The following WASHC5 variants were observed in gnomAD, a reference collection of about 807,000 sequenced individuals.
The protein encoded by WASHC5 is WASH complex subunit 5.
In WASHC5, 101 loss-of-function variants were observed where a neutral mutation model predicts 150.4. That is an observed-to-expected ratio of 0.67 (90% CI 0.57 to 0.79). The LOEUF (loss-of-function observed/expected upper bound fraction) is 0.79, where lower values mean the gene tolerates loss of function less well. WASHC5 is among the 30% of genes least tolerant of loss of function. The pLI, the probability that WASHC5 is intolerant of heterozygous loss-of-function variation, is 0.00. For synonymous variants in WASHC5, 467 were observed against 491.2 expected (o/e 0.95, Z 0.65); for missense variants, 1,195 against 1,396.3 (o/e 0.86, Z 2.30).
At position 125,063,389 on chromosome 8, in the gene WASHC5, G is replaced by A. The variant is rs987143472; in HGVS notation, c.1408+133C>T. The A allele has an allele frequency of 4.0e-6, 4 of 992,368 alleles. No individual in the cohort carries two copies. The African/African-American group carries it at 6.4e-5, about 16-fold the overall frequency. The allele number at this position is 992,368 out of a possible 1,614,324, so 61.5% of individuals were successfully genotyped here. ...AAAACTAACCTTCAGATCTTTATTA[G>A]CAACACTAAAGATGGAATATCATAG... On this transcript the variant is annotated intron_variant, in intron 11 of 28. Coordinates refer to ENST00000318410, the MANE Select transcript of WASHC5 (RefSeq NM_014846.4).
Position 125,083,787 on chromosome 8 carries a change from C to A in WASHC5, c.112G>T (p.Ala38Ser). ...ELLRLSEFIP[A>S]VFRLKDRADQ... The stretch of plus-strand genomic sequence containing the variant: ...GCTCTGTCTTTTAACCTGAACACAG[C>A]AGGAATAAACTCAGAGAGTCTCAAA... Residue 38 changes from alanine to serine, a missense_variant, in exon 2 of 29, where the codon GCT (alanine) becomes TCT (serine). By Grantham distance (99) the Ala-to-Ser change is moderately conservative. This residue lies in a region of WASHC5 where 195 missense variants were observed against 206.9 expected (regional missense o/e 0.94). Coordinates refer to ENST00000318410, the MANE Select transcript of WASHC5 (RefSeq NM_014846.4). 6.2e-7 allele frequency: 1 copy of A among 1,613,766 alleles called. No individual in the cohort carries two copies. Among genetic ancestry groups the A allele is most frequent in the Non-Finnish European group, 8.5e-7 (1 of 1,179,750 alleles).
chr8:125,062,325 T>C (rs1324965197), intron 11 of WASHC5, among the ~76,000 whole-genome samples: 2 of 152,222 alleles, frequency 1.3e-5, no homozygotes, highest in Non-Finnish European at 2.9e-5. Flanking sequence ...TGTGAAAGTA[T>C]GTCCTAAGCT....
intron 26 of WASHC5, among the ~76,000 whole-genome samples, chr8:125,035,600 CA>C (rs1815680248): frequency 6.6e-6 from 1 of 152,190 alleles, no homozygotes; most frequent in Non-Finnish European, 1.5e-5. Context: ...TGGCCAAAGT[CA>C]CATAGGTGAT....
chr8:125,075,929 C>T (rs186741792), intron 7 of WASHC5, among the ~76,000 whole-genome samples: 2 of 152,200 alleles, frequency 1.3e-5, no homozygotes, highest in Admixed American at 1.3e-4. Context: ...ACTTTAGTAA[C>T]CCCATTACAG....
intron 3 of WASHC5, 87 bp from the exon 4 acceptor site, chr8:125,082,554 C>T (rs1328618704): frequency 1.2e-6 from 1 of 811,894 alleles, no homozygotes; most frequent in African/African-American, 1.7e-5. Flanking sequence ...AAAGATAAGG[C>T]AGGATGCCAG....
chr8:125,057,523 C>A (rs554743660), intron 15 of WASHC5, 33 bp downstream of exon 15: 1 of 1,362,410 alleles, frequency 7.3e-7, no homozygotes, highest in East Asian at 2.3e-5. Flanking sequence ...AGTTATCTGG[C>A]AAGAGTAAAT....
intron 11 of WASHC5, among the ~76,000 whole-genome samples, chr8:125,062,848 C>A (rs1816639834): frequency 6.6e-6 from 1 of 152,166 alleles, no homozygotes; most frequent in Non-Finnish European, 1.5e-5. Context: ...CCATAAAATT[C>A]AGAATGGTTT....
chr8:125,062,293 GGTT>G (rs1816619129), intron 11 of WASHC5, among the ~76,000 whole-genome samples: 1 of 152,070 alleles, frequency 6.6e-6, no homozygotes. Context: ...TATCTTACAG[GGTT>G]GTAAGGATGA....
At chr8:125,044,431 G>A in intron 21 of WASHC5, 105 bp downstream of exon 21, 1 of 1,254,678 alleles carries the variant, frequency 8.0e-7, no homozygotes, top group Non-Finnish European at 1.2e-6. Flanking sequence ...GTCAGTGTAA[G>A]AAATCATGGA....
intron 9 of WASHC5, among the ~76,000 whole-genome samples, chr8:125,069,812 A>T (rs1233185297): frequency 6.6e-6 from 1 of 152,234 alleles, no homozygotes; most frequent in African/African-American, 2.4e-5. Context: ...TATTTACCTA[A>T]CTAAACAAAA....
intron 9 of WASHC5, among the ~76,000 whole-genome samples, chr8:125,068,812 G>A (rs539350364): frequency 5.6e-4 from 86 of 152,336 alleles, no homozygotes; most frequent in African/African-American, 1.9e-3. Context: ...GGCAGTGATT[G>A]ACCCAAGGTA....
intron 7 of WASHC5, among the ~76,000 whole-genome samples, chr8:125,075,855 A>G (rs551158908): frequency 6.6e-5 from 10 of 152,328 alleles, no homozygotes; most frequent in South Asian, 2.1e-4. Flanking sequence ...CTTTATTCCT[A>G]TAAGAATATT....
Position 125,063,444 on chromosome 8 carries a change from T to C in WASHC5, c.1408+78A>G, listed in dbSNP as rs1002851708. On this transcript the variant is annotated intron_variant, in intron 11 of 28. Coordinates refer to ENST00000318410, the MANE Select transcript of WASHC5 (RefSeq NM_014846.4). ...CAATAATGAGAACATAAAGTCTTTT[T>C]AACCTGCCAGTTTCCAAGGTTTCAA... 8.2e-6 allele frequency: 12 copies of C among 1,458,002 alleles called. No individual in the cohort carries two copies. In the Admixed American group the frequency reaches 8.4e-5, roughly 10 times the overall value. The allele number at this position is 1,458,002 out of a possible 1,614,324, so 90.3% of individuals were successfully genotyped here.
chr8:125,055,117 C>A (rs1205972894), intron 17 of WASHC5, among the ~76,000 whole-genome samples: 1 of 152,086 alleles, frequency 6.6e-6, no homozygotes, highest in East Asian at 1.9e-4. Context: ...GCTTTCTCTT[C>A]CTCCATCAAT....
intron 8 of WASHC5, 48 bp downstream of exon 8, chr8:125,074,950 T>A: frequency 9.0e-7 from 1 of 1,109,854 alleles, no homozygotes; most frequent in Non-Finnish European, 1.4e-6. Context: ...TGCTACTTCA[T>A]AAACTAGGCC....
In WASHC5 at chr8:125,047,229, T is replaced by G; in HGVS notation, c.2482A>C (p.Ile828Leu). 6.2e-7 allele frequency: 1 copy of G among 1,614,068 alleles called. No homozygotes were observed. Residue 828 changes from isoleucine to leucine, a missense_variant, in exon 20 of 29, where the codon ATC (isoleucine) becomes CTC (leucine). Around this residue, in one of 3 missense-constraint regions of WASHC5, gnomAD observed 997 missense variants for 1,168.1 expected, o/e 0.85. Coordinates refer to ENST00000318410, the MANE Select transcript of WASHC5 (RefSeq NM_014846.4). The stretch of plus-strand genomic sequence containing the variant: ...TACTTTGGGTCTGTGATCCGCAGGA[T>G]TTCTCTGCAGAGTCGACCAATAAAC... The part of the protein sequence containing the change: ...VTFIGRLCRE[I>L]LRITDPKMTC...
At chr8:125,046,782 CA>C (rs1266054184) in intron 20 of WASHC5, among the ~76,000 whole-genome samples, 1 of 152,114 alleles carries the variant, frequency 6.6e-6, no homozygotes, top group African/African-American at 2.4e-5. Flanking sequence ...TTTGTGGAGA[CA>C]GGGGGGCGGG....
intron 9 of WASHC5, among the ~76,000 whole-genome samples, chr8:125,071,993 A>G (rs1417345997): frequency 2.0e-5 from 3 of 152,056 alleles, no homozygotes; most frequent in Non-Finnish European, 2.9e-5. Context: ...TTTTGTCACA[A>G]TGCTATCTCT....
At chr8:125,048,853 A>G (rs568645027) in intron 19 of WASHC5, among the ~76,000 whole-genome samples, 153 bp downstream of exon 19, 2 of 152,294 alleles carry the variant, frequency 1.3e-5, no homozygotes, top group Admixed American at 6.5e-5. Context: ...TGCCATGTCC[A>G]CTTTTCTGCA....
Sources: gnomAD v4.1 joint callset for allele counts (sites outside exome capture counted in the v4.1 genomes callset) on GRCh38, gnomAD v4.1.1 for gene constraint, gnomAD v4.1.1 regional missense constraint, MANE v1.5 for transcripts, NCBI Gene and HGNC (gene_info 2026-07-23, HGNC 2026-07-21) for gene names.